Variants in SNX25 observed in about 807,000 individuals in gnomAD.
SNX25 encodes the protein sorting nexin 25.
In SNX25, 62 loss-of-function variants were observed where a neutral mutation model predicts 113.7. The observed-to-expected ratio is 0.55, with a 90% CI of 0.44 to 0.67. The LOEUF (loss-of-function observed/expected upper bound fraction) is 0.67, where lower values mean the gene tolerates loss of function less well. Among genes scored for constraint, SNX25 ranks in the 30% least tolerant of loss-of-function variants. The pLI is 0.00. For synonymous variants in SNX25, 421 were observed against 436.2 expected (o/e 0.97, Z 0.43); for missense variants, 1,014 against 1,161.0 (o/e 0.87, Z 1.84).
intron 2 of SNX25, among the ~76,000 whole-genome samples, chr4:185,250,972 G>C (rs1745545328): frequency 6.6e-6 from 1 of 151,948 alleles, no homozygotes; most frequent in South Asian, 2.1e-4. Context: ...ACCATTTTAA[G>C]TATATAGTTC....
intron 2 of SNX25, among the ~76,000 whole-genome samples, chr4:185,253,222 G>A (rs963984977): frequency 6.6e-6 from 1 of 152,140 alleles, no homozygotes; most frequent in Non-Finnish European, 1.5e-5. Context: ...TCAGTGGTGT[G>A]TTCAATGTTA....
chr4:185,206,125 G>GAATT (rs1327965667), upstream of SNX25, among the ~76,000 whole-genome samples: 1 of 152,178 alleles, frequency 6.6e-6, no homozygotes, highest in Non-Finnish European at 1.5e-5. Context: ...CTTGAACATA[G>GAATT]AATTATATGA....
chr4:185,319,077 CTTTAT>C (rs2095097590), intron 7 of SNX25, among the ~76,000 whole-genome samples: 1 of 137,928 alleles, frequency 7.3e-6, no homozygotes, highest in South Asian at 2.4e-4. Context: ...CACTTTTCCC[CTTTAT>C]TTTATTTTAT....
rs760568075 is a variant in SNX25 at position 185,310,761 on chromosome 4, A to G, written c.1289A>G (p.Tyr430Cys). 1.2e-6 allele frequency: 2 copies of G among 1,613,920 alleles called. No homozygotes were observed. Among genetic ancestry groups the G allele is most frequent in the Non-Finnish European group, 1.7e-6 (2 of 1,179,892 alleles). ...KRIRILGGPA[Y>C]DQQEDGALDE... is the part of the protein sequence containing the mutation. ...ATCCGAATCCTGGGAGGCCCTGCCT[A>G]TGACCAGCAAGAGGATGGGGCCCTG... Residue 430 changes from tyrosine (Y) to cysteine (C), a missense_variant, in exon 7 of 19, where the codon TAT becomes TGT. By Grantham distance (194) the Tyr-to-Cys change is radical. Transcript: ENST00000652585.
chr4:185,360,829 G>A (rs2095357820), intron 16 of SNX25, among the ~76,000 whole-genome samples: 1 of 151,956 alleles, frequency 6.6e-6, no homozygotes, highest in African/African-American at 2.4e-5. Context: ...TGAGGCAGGA[G>A]AATCGCTTGA....
intron 2 of SNX25, among the ~76,000 whole-genome samples, chr4:185,254,655 C>G (rs1173729787): frequency 3.3e-5 from 5 of 152,214 alleles, no homozygotes; most frequent in African/African-American, 1.2e-4. Flanking sequence ...TAGTTTTTCT[C>G]TACTTTGTTA....
chr4:185,215,821 G>T (rs866649323), intron 1 of SNX25, among the ~76,000 whole-genome samples: 10 of 150,428 alleles, frequency 6.6e-5, no homozygotes, highest in Middle Eastern at 6.8e-3. Context: ...ACAGGATCTG[G>T]CTCTTTCGCC....
chr4:185,239,397 G>C (rs1039883221), intron 1 of SNX25, among the ~76,000 whole-genome samples: 10 of 152,134 alleles, frequency 6.6e-5, no homozygotes, highest in Non-Finnish European at 1.2e-4. Flanking sequence ...GCAGGAGAAT[G>C]GCTTGAACCC....
At chr4:185,206,255 GT>G (rs1252208657), upstream of SNX25, among the ~76,000 whole-genome samples, 1 of 152,188 alleles carries the variant, frequency 6.6e-6, no homozygotes, top group African/African-American at 2.4e-5. Flanking sequence ...TCAAGTGTTT[GT>G]TTATCAACAG....
At chr4:185,358,727 A>G (rs912123115) in intron 16 of SNX25, among the ~76,000 whole-genome samples, 8 of 152,216 alleles carry the variant, frequency 5.3e-5, no homozygotes, top group African/African-American at 9.6e-5. Flanking sequence ...GATCTTTTAT[A>G]TGGTAACTCT....
chr4:185,302,091 GT>G (rs1233693832), intron 6 of SNX25, among the ~76,000 whole-genome samples: 1 of 108,334 alleles, frequency 9.2e-6, no homozygotes, highest in African/African-American at 3.0e-5. Context: ...GTGTGTGTGT[GT>G]TTTTTTTGTT....
chr4:185,232,958 T>G lies in SNX25; in HGVS notation c.430-14336T>G, dbSNP rs1742078106. On this transcript the variant is annotated intron_variant, in intron 1 of 18. Coordinates refer to ENST00000652585, the MANE Select transcript of SNX25 (RefSeq NM_001378034.2). This position sits in a 1 kb window ranked among gnomAD's most constrained non-coding sequence, Gnocchi z 4.4. ...AGCCTTCCATGGTGGTATGGCTCATTAGCTACCCGATTATGAGTTTCCATC... is the reference window on the plus strand; with the variant it reads ...AGCCTTCCATGGTGGTATGGCTCATGAGCTACCCGATTATGAGTTTCCATC... Among the ~76,000 whole-genome samples, 1 of 152,140 alleles carries G rather than the reference T, an allele frequency of 6.6e-6. No homozygotes were observed. The highest frequency in any genetic ancestry group is 6.6e-5 in the Admixed American group (1 of 15,262).
chr4:185,218,998 T>C (rs1579325239), intron 1 of SNX25, among the ~76,000 whole-genome samples: 1 of 152,206 alleles, frequency 6.6e-6, no homozygotes, highest in Non-Finnish European at 1.5e-5. Flanking sequence ...CCACAGACAG[T>C]GTCCCATGTA....
At chr4:185,331,876 T>C (rs1410264968) in intron 9 of SNX25, among the ~76,000 whole-genome samples, 1 of 152,224 alleles carries the variant, frequency 6.6e-6, no homozygotes, top group African/African-American at 2.4e-5. Context: ...TACTGTTTGT[T>C]ACAATTACGA....
chr4:185,315,965 A>G (rs2095070699), intron 7 of SNX25, among the ~76,000 whole-genome samples: 1 of 152,222 alleles, frequency 6.6e-6, no homozygotes, highest in Admixed American at 6.5e-5. Flanking sequence ...ATGACATGCA[A>G]TATACTGCTC....
In SNX25 at chr4:185,239,345, T is replaced by C. The variant is rs190580983; in HGVS notation, c.430-7949T>C. The stretch of plus-strand genomic sequence containing the variant: ...AAAAATGCAAAAAATTAGCCGGGCG[T>C]GGTGGTGGGCACCTGTAGTCCCAGC... On this transcript the variant is annotated intron_variant, in intron 1 of 18. Coordinates refer to ENST00000652585, the MANE Select transcript of SNX25 (RefSeq NM_001378034.2). Among the ~76,000 whole-genome samples, 53 of 152,070 alleles carry C rather than the reference T, an allele frequency of 3.5e-4. 1 individual carries two copies. Among genetic ancestry groups the C allele is most frequent in the Admixed American group, 1.1e-3 (17 of 15,262 alleles).
chr4:185,242,166 G>C (rs1744152236), intron 1 of SNX25, among the ~76,000 whole-genome samples: 1 of 152,172 alleles, frequency 6.6e-6, no homozygotes, highest in African/African-American at 2.4e-5. Context: ...CATGCAGAAT[G>C]TGTACAGAAA....
chr4:185,307,655 C>G (rs190282089), intron 6 of SNX25, among the ~76,000 whole-genome samples: 1 of 152,226 alleles, frequency 6.6e-6, no homozygotes, highest in African/African-American at 2.4e-5. Flanking sequence ...ATCCAATGTC[C>G]ACCTGCTCTG....
At chr4:185,285,858 A>G (rs1751272390) in intron 5 of SNX25, among the ~76,000 whole-genome samples, 1 of 151,740 alleles carries the variant, frequency 6.6e-6, no homozygotes, top group Non-Finnish European at 1.5e-5. Context: ...CTGCAACCTC[A>G]ACCACCCAGG....
Sources: gnomAD v4.1 joint callset for allele counts (sites outside exome capture counted in the v4.1 genomes callset) on GRCh38, gnomAD v4.1.1 for gene constraint, Gnocchi (gnomAD v3.1) non-coding constraint, MANE v1.5 for transcripts, NCBI Gene and HGNC (gene_info 2026-07-23, HGNC 2026-07-21) for gene names.